FUT9: variants seen among roughly 807,000 people sequenced by gnomAD.
FUT9 encodes 4-galactosyl-N-acetylglucosaminide 3-alpha-L-fucosyltransferase 9.
FUT9 carries 15 observed loss-of-function variants against 29.7 expected under a neutral mutation model. That is an observed-to-expected ratio of 0.51 (90% CI 0.34 to 0.78). The LOEUF (loss-of-function observed/expected upper bound fraction) is 0.78. FUT9 is among the 30% of genes least tolerant of loss of function. FUT9 has a pLI of 0.01. For synonymous variants in FUT9, 169 were observed against 153.7 expected (o/e 1.10, Z -0.74); for missense variants, 319 against 425.4 (o/e 0.75, Z 2.20).
chr6:96,022,461 G>A (rs1240720776), intron 1 of FUT9, among the ~76,000 whole-genome samples: 1 of 152,012 alleles, frequency 6.6e-6, no homozygotes, highest in Non-Finnish European at 1.5e-5. Flanking sequence ...TATTGCATGG[G>A]AAATGCAGAA....
chr6:96,029,385 C>T (rs192528788), intron 1 of FUT9, among the ~76,000 whole-genome samples: 167 of 151,540 alleles, frequency 1.1e-3, no homozygotes, highest in Non-Finnish European at 2.0e-3. Flanking sequence ...AGGAGGGAGC[C>T]TCTTGGTAAT....
At chr6:96,126,902 T>C (rs140527209) in intron 2 of FUT9, among the ~76,000 whole-genome samples, 2 of 152,300 alleles carry the variant, frequency 1.3e-5, no homozygotes, top group East Asian at 3.9e-4. Context: ...TATTAAATAA[T>C]TGAGCAGAAA....
rs1773946010 is a variant in FUT9, at chr6:96,211,998, T to A, written c.*7763T>A. 2 of 410,764 alleles carry A rather than the reference T, an allele frequency of 4.9e-6. No individual in the cohort carries two copies. Among genetic ancestry groups the A allele is most frequent in the South Asian group, 1.4e-4 (1 of 7,368 alleles). 25.4% of individuals were successfully genotyped at this position (410,764 alleles called of 1,614,324 possible). A position where few individuals can be genotyped will look rare whatever the true frequency, so the allele number is the denominator to read the frequency against. On this transcript the variant is annotated 3_prime_UTR_variant, in exon 3 of 3. Transcript: ENST00000302103. ...ACAAATATAGATTTTATCTGAAAAA[T>A]TTTAAGGGCCAATTCTACAGAAAGT...
intron 2 of FUT9, among the ~76,000 whole-genome samples, chr6:96,197,151 T>C (rs542199743): frequency 2.9e-4 from 44 of 151,890 alleles, no homozygotes; most frequent in African/African-American, 9.7e-4. Context: ...GAGGCAAAAA[T>C]GAAAGAAGAA....
intron 1 of FUT9, among the ~76,000 whole-genome samples, chr6:96,097,510 T>G (rs1258241952): frequency 6.6e-6 from 1 of 152,082 alleles, no homozygotes; most frequent in Non-Finnish European, 1.5e-5. Context: ...AATGAATTCA[T>G]GAGTAAAATG....
intron 1 of FUT9, among the ~76,000 whole-genome samples, chr6:96,017,196 ATTGC>A (rs1425479820): frequency 1.3e-5 from 2 of 152,336 alleles, no homozygotes; most frequent in African/African-American, 4.8e-5. Flanking sequence ...CTTCTTTGAA[ATTGC>A]AATAAGCCAA....
At chr6:96,111,206 A>G (rs1771799675) in intron 1 of FUT9, among the ~76,000 whole-genome samples, 1 of 152,194 alleles carries the variant, frequency 6.6e-6, no homozygotes, top group East Asian at 1.9e-4. Flanking sequence ...ATGTTAAACT[A>G]TACATTAAAA....
At chr6:96,100,977 G>A (rs1040818017) in intron 1 of FUT9, among the ~76,000 whole-genome samples, 1 of 152,076 alleles carries the variant, frequency 6.6e-6, no homozygotes, top group Non-Finnish European at 1.5e-5. Flanking sequence ...ATTAAAGACG[G>A]CATCAAGATT....
rs1233726252 is a variant in FUT9 at position 96,205,465 on chromosome 6, G to A, written c.*1230G>A. The A allele has an allele frequency of 6.0e-6, 1 of 166,930 alleles. No individual in the cohort carries two copies. Among genetic ancestry groups the A allele is most frequent in the Non-Finnish European group, 1.5e-5 (1 of 68,080 alleles). 10.3% of individuals were successfully genotyped at this position (166,930 alleles called of 1,614,324 possible). On this transcript the variant is annotated 3_prime_UTR_variant, in exon 3 of 3. Coordinates refer to ENST00000302103, the MANE Select transcript of FUT9 (RefSeq NM_006581.4). ...GGAGATGACTTTTATATCCCATTTT[G>A]GTAATTATTCATACATAGCACATAT...
intron 1 of FUT9, among the ~76,000 whole-genome samples, chr6:96,043,114 C>G (rs894022784): frequency 4.6e-5 from 7 of 152,258 alleles, no homozygotes; most frequent in South Asian, 4.1e-4. Context: ...TGCGGTGGCG[C>G]GATCTCGGCT....
intron 2 of FUT9, among the ~76,000 whole-genome samples, chr6:96,142,326 G>GA (rs892395897): frequency 4.6e-4 from 70 of 151,040 alleles, no homozygotes; most frequent in African/African-American, 1.3e-3. Context: ...GCTATAAATG[G>GA]AAAAAAAAAT....
intron 1 of FUT9, among the ~76,000 whole-genome samples, chr6:96,042,256 A>G (rs1342502160): frequency 1.3e-5 from 2 of 152,068 alleles, no homozygotes; most frequent in African/African-American, 2.4e-5. Flanking sequence ...AGTATCAGAA[A>G]CCCTAACCTT....
chr6:96,172,259 A>T (rs143960499), intron 2 of FUT9, among the ~76,000 whole-genome samples: 415 of 152,300 alleles, frequency 2.7e-3, no homozygotes, highest in African/African-American at 8.9e-3. Context: ...TCAGGATTTC[A>T]ACATATAAAT....
rs1032867655 is a variant in FUT9, at chr6:96,195,403, T to C, written c.-8-7745T>C. Among the ~76,000 whole-genome samples, 8 of 152,132 alleles carry C rather than the reference T, an allele frequency of 5.3e-5. No individual in the cohort carries two copies. In the South Asian group the frequency reaches 6.2e-4, roughly 12 times the overall value. On this transcript the variant is annotated intron_variant, in intron 2 of 2. Coordinates refer to ENST00000302103, the MANE Select transcript of FUT9 (RefSeq NM_006581.4). Reference sequence around the variant, plus strand: ...CCTTGGAAATACCAGGGATTATATATAAGGATCTTTGAGAAAGGTTCACAA... The same window carrying C: ...CCTTGGAAATACCAGGGATTATATACAAGGATCTTTGAGAAAGGTTCACAA...
At chr6:96,035,533 G>A (rs1770337259) in intron 1 of FUT9, among the ~76,000 whole-genome samples, 1 of 149,028 alleles carries the variant, frequency 6.7e-6, no homozygotes, top group Non-Finnish European at 1.5e-5. Flanking sequence ...TAAGAGGTAA[G>A]TTTGGAAATA....
At chr6:96,089,720 G>T (rs988458077) in intron 1 of FUT9, among the ~76,000 whole-genome samples, 2 of 152,066 alleles carry the variant, frequency 1.3e-5, no homozygotes, top group African/African-American at 4.8e-5. Flanking sequence ...TTGAAATACT[G>T]CCCTACCAAC....
At chr6:96,151,774 C>T (rs1772681111) in intron 2 of FUT9, among the ~76,000 whole-genome samples, 1 of 152,122 alleles carries the variant, frequency 6.6e-6, no homozygotes, top group Non-Finnish European at 1.5e-5. Flanking sequence ...CTTTCTTTTT[C>T]TCCAGGAAGC....
intron 1 of FUT9, among the ~76,000 whole-genome samples, chr6:96,028,768 T>A (rs936784027): frequency 2.6e-5 from 4 of 151,602 alleles, no homozygotes; most frequent in African/African-American, 9.7e-5. Context: ...TATTATATAA[T>A]AATGCAGGAA....
In FUT9 at chr6:96,211,711, C is replaced by T. The variant is rs1773940141; in HGVS notation, c.*7476C>T. ...TCAAGTGTACAAATTTAAAGCTGTA[C>T]TATGTTAGAATAAAAAAGTAGGCTC... On this transcript the variant is annotated 3_prime_UTR_variant, in exon 3 of 3. Transcript: ENST00000302103. The T allele has an allele frequency of 5.8e-6, 1 of 172,078 alleles. No homozygotes were observed. Among genetic ancestry groups the T allele is most frequent in the South Asian group, 2.1e-4 (1 of 4,870 alleles). 10.7% of individuals were successfully genotyped at this position (172,078 alleles called of 1,614,324 possible).
Sources: allele counts gnomAD v4.1 joint callset (sites outside exome capture counted in the v4.1 genomes callset), GRCh38; gene constraint gnomAD v4.1.1; transcripts MANE v1.5; gene names NCBI Gene and HGNC (gene_info 2026-07-23, HGNC 2026-07-21).